The following SPTBN5 variants were observed in gnomAD, a reference collection of about 807,000 sequenced individuals.
The protein encoded by SPTBN5 is spectrin beta, non-erythrocytic 5.
A neutral mutation model predicts 477.6 loss-of-function variants in SPTBN5; 513 were observed. That is an observed-to-expected ratio of 1.07 (90% CI 1.00 to 1.16). SPTBN5 has a LOEUF of 1.16. Ranked by LOEUF, SPTBN5 falls within the 50% of genes most tolerant of loss-of-function variation. The pLI is 0.00. For synonymous variants in SPTBN5, 2,169 were observed against 2,011.7 expected (o/e 1.08, Z -2.09); for missense variants, 5,062 against 4,731.8 (o/e 1.07, Z -2.05).
Position 41,857,487 on chromosome 15 carries a change from C to A in SPTBN5, c.8372G>T (p.Arg2791Leu), listed in dbSNP as rs191576229. The change falls in exon 51 of 68, where the codon CGT becomes CTT. Residue 2791 changes from arginine to leucine, a missense_variant. Arg to Leu is a moderately radical substitution (Grantham distance 102). Coordinates refer to ENST00000320955, the MANE Select transcript of SPTBN5 (RefSeq NM_016642.4). ...AKLQKACEAL[R>L]LRRSMEELEN... Reference sequence around the variant, plus strand: ...CAGTTCCTCCATGCTCCGCCGCAGACGCAGGGCCTAGGGTAGAAAGTGAGG... The same window carrying A: ...CAGTTCCTCCATGCTCCGCCGCAGAAGCAGGGCCTAGGGTAGAAAGTGAGG... 1.7e-5 allele frequency: 27 copies of A among 1,608,216 alleles called. No homozygotes were observed. The highest frequency in any genetic ancestry group is 1.3e-4 in the Admixed American group (8 of 59,806).
chr15:41,848,602 C>T lies in SPTBN5; in HGVS notation c.*14G>A, dbSNP rs751895220. 6 of 1,613,938 alleles carry T rather than the reference C, an allele frequency of 3.7e-6. No individual in the cohort carries two copies. The Admixed American group carries it at 5.0e-5, about 13-fold the overall frequency. On this transcript the variant is annotated 3_prime_UTR_variant, in exon 68 of 68. Coordinates refer to ENST00000320955, the MANE Select transcript of SPTBN5 (RefSeq NM_016642.4). ...CTTGTGCCCCTGAAGTTTGGTGTTG[C>T]ACTGGGGTTCACCTCAGGGATCAGA...
In SPTBN5 at chr15:41,866,016, C is replaced by T. The variant is rs1043543428; in HGVS notation, c.6822+22G>A. 2.6e-6 allele frequency: 4 copies of T among 1,549,866 alleles called. No homozygotes were observed. In the African/African-American group the frequency reaches 5.5e-5, roughly 21 times the overall value. ...AGGGCTCCTCCCCCCATCTCTCAGCCCCCACCCAGCTGGGGCTACACCTTC... is the reference window on the plus strand; with the variant it reads ...AGGGCTCCTCCCCCCATCTCTCAGCTCCCACCCAGCTGGGGCTACACCTTC... On this transcript the variant is annotated intron_variant, in intron 38 of 67. Coordinates refer to ENST00000320955, the MANE Select transcript of SPTBN5 (RefSeq NM_016642.4).
In SPTBN5 at chr15:41,865,911, G is replaced by A. The variant is rs1226340829; in HGVS notation, c.6823-8C>T. The A allele has an allele frequency of 6.4e-7, 1 of 1,565,156 alleles. No homozygotes were observed. The highest frequency in any genetic ancestry group is 1.2e-5 in the South Asian group (1 of 84,904). On this transcript the variant is annotated splice_polypyrimidine_tract_variant and splice_region_variant and intron_variant, in intron 38 of 67. Coordinates refer to ENST00000320955, the MANE Select transcript of SPTBN5 (RefSeq NM_016642.4). ...AACATTCATCTTCACCTCCTGTGAA[G>A]GCCGAGGGTGGGGAGGGAGCGCTGT...
rs772892895 is a variant in SPTBN5, at chr15:41,855,554, T to C, written c.9213A>G (p.Pro3071=). ...ATGGTGTGGCTTCCGCCCACCTTTC[T>C]GGGTTCTTCCTGCTCTCCAGGAGTG... ...TAALLESRKN[P]ESPKVLAQLQ... Residue 3071 remains proline, a synonymous_variant, in exon 54 of 68, where the codon CCA becomes CCG. Coordinates refer to ENST00000320955, the MANE Select transcript of SPTBN5 (RefSeq NM_016642.4). 2.5e-6 allele frequency: 4 copies of C among 1,609,008 alleles called. No homozygotes were observed. The highest frequency in any genetic ancestry group is 2.2e-5 in the East Asian group (1 of 44,778).
At chr15:41,872,145 A>C (rs983481328) in intron 27 of SPTBN5, among the ~76,000 whole-genome samples, 157 bp downstream of exon 27, 2 of 152,216 alleles carry the variant, frequency 1.3e-5, no homozygotes, top group African/African-American at 2.4e-5. Flanking sequence ...TCACTGAAGA[A>C]TTTATGGAAA....
intron 41 of SPTBN5, among the ~76,000 whole-genome samples, 154 bp from the exon 42 acceptor site, chr15:41,863,057 GA>G (rs375288364): frequency 6.6e-6 from 1 of 152,350 alleles, no homozygotes; most frequent in African/African-American, 2.4e-5. Context: ...TTCCTTATGT[GA>G]GGGGGACGAT....
intron 1 of SPTBN5, 89 bp from the exon 2 acceptor site, chr15:41,893,635 C>T: frequency 7.1e-7 from 1 of 1,416,844 alleles, no homozygotes; most frequent in East Asian, 2.5e-5. Flanking sequence ...ACTGTCCTCA[C>T]ATTTCATGGG....
chr15:41,850,214 T>A, intron 66 of SPTBN5: 1 of 487,966 alleles, frequency 2.0e-6, no homozygotes, highest in Admixed American at 3.3e-5. Context: ...AGGTGGGAAA[T>A]TCTGGAATGT....
At chr15:41,862,972 C>T (rs1452394366) in intron 41 of SPTBN5, 69 bp from the exon 42 acceptor site, 43 of 1,388,912 alleles carry the variant, frequency 3.1e-5, no homozygotes, top group Admixed American at 5.9e-5. Context: ...GCAAAGGGCC[C>T]AACCAGTGGC....
In SPTBN5 at chr15:41,866,031, G is replaced by T; in HGVS notation, c.6822+7C>A. The T allele has an allele frequency of 6.4e-7, 1 of 1,552,182 alleles. No individual in the cohort carries two copies. The highest frequency in any genetic ancestry group is 8.7e-7 in the Non-Finnish European group (1 of 1,148,140). On this transcript the variant is annotated splice_region_variant and intron_variant, in intron 38 of 67. Transcript: ENST00000320955. ...ATCTCTCAGCCCCCACCCAGCTGGG[G>T]CTACACCTTCTCCTGGATCCAGGCC...
chr15:41,850,135 T>G (rs1645037733), intron 66 of SPTBN5, 176 bp from the exon 67 acceptor site: 1 of 605,434 alleles, frequency 1.7e-6, no homozygotes, highest in Non-Finnish European at 3.0e-6. Flanking sequence ...GGCAGGTTTT[T>G]CCCCCATGCG....
Position 41,856,882 on chromosome 15 carries a change from C to CACTCAG in SPTBN5, c.8773_8778dup (p.Leu2925_Ser2926dup), listed in dbSNP as rs1361881520. The CACTCAG allele has an allele frequency of 1.3e-6, 2 of 1,550,602 alleles. No homozygotes were observed. The highest frequency in any genetic ancestry group is 1.7e-6 in the Non-Finnish European group (2 of 1,147,050). ...TGCTGCTCCTGCAGGTGCCGCACCG[C>CACTCAG]ACTCAGGCTCTGGCCATAGTCCTGG... is the stretch of plus-strand genomic sequence containing the variant. On this transcript the variant is annotated inframe_insertion, in exon 52 of 68. Transcript: ENST00000320955.
rs775958483 is a variant in SPTBN5 at position 41,874,474 on chromosome 15, C to T, written c.4507G>A (p.Glu1503Lys). 2 of 1,606,526 alleles carry T rather than the reference C, an allele frequency of 1.2e-6. No individual in the cohort carries two copies. The highest frequency in any genetic ancestry group is 4.5e-5 in the East Asian group (2 of 44,798). ...ATGGCCAGATGCCCCTGCAGAAGCT[C>T]CAGCCTAGGAGGAGGAGGAAGAGAT... Reference protein sequence around the residue: ...EETQKHLRRLELLQGHLAIRG... With the variant: ...EETQKHLRRLKLLQGHLAIRG... The change falls in exon 24 of 68, where the codon GAG (glutamate) becomes AAG (lysine). Residue 1503 changes from glutamate (E) to lysine (K), a missense_variant. Physicochemically the swap from Glu to Lys is moderately conservative, Grantham distance 56. Coordinates refer to ENST00000320955, the MANE Select transcript of SPTBN5 (RefSeq NM_016642.4).
At chr15:41,892,022 G>A (rs2140973317) in intron 3 of SPTBN5, among the ~76,000 whole-genome samples, 1 of 152,256 alleles carries the variant, frequency 6.6e-6, no homozygotes, top group South Asian at 2.1e-4. Context: ...ATCAACTAGG[G>A]CCCAGCATTC....
intron 17 of SPTBN5, among the ~76,000 whole-genome samples, chr15:41,877,768 A>T (rs534203782): frequency 6.6e-6 from 1 of 152,372 alleles, no homozygotes; most frequent in African/African-American, 2.4e-5. Context: ...GAGCCGCTGC[A>T]GAACCAGGTA....
Position 41,853,382 on chromosome 15 carries a change from G to C in SPTBN5, c.10046C>G (p.Ala3349Gly). 1 of 1,607,628 alleles carries C rather than the reference G, an allele frequency of 6.2e-7. No homozygotes were observed. The highest frequency in any genetic ancestry group is 8.5e-7 in the Non-Finnish European group (1 of 1,176,254). The change falls in exon 59 of 68, where the codon GCT (alanine) becomes GGT (glycine). Residue 3349 changes from alanine (A) to glycine (G), a missense_variant. Ala to Gly is a moderately conservative substitution (Grantham distance 60). Coordinates refer to ENST00000320955, the MANE Select transcript of SPTBN5 (RefSeq NM_016642.4). ...SEELAEDVAG[A>G]EQLLGQHEEL... ...TTCATGCTGCCCAAGGAGCTGCTCA[G>C]CCCCCGCCACGTCCTCAGCCAGCTC...
chr15:41,886,179 C>T lies in SPTBN5; in HGVS notation c.1076G>A (p.Arg359Gln), dbSNP rs377232016. The T allele has an allele frequency of 1.6e-4, 253 of 1,612,702 alleles. No homozygotes were observed. Among genetic ancestry groups the T allele is most frequent in the Non-Finnish European group, 2.0e-4 (240 of 1,179,728 alleles). Residue 359 changes from arginine (R) to glutamine (Q), a missense_variant, in exon 7 of 68, where the codon CGG becomes CAG. Transcript: ENST00000320955. Reference protein sequence around the residue: ...TIFRTQEKPPRLQQRGAAEAL... With the variant: ...TIFRTQEKPPQLQQRGAAEAL... ...CTCTGCGGCCCCTCGCTGCTGTAGCCGGGGTGGCTTCTCCTGGGTGCGGAA... is the reference window on the plus strand; with the variant it reads ...CTCTGCGGCCCCTCGCTGCTGTAGCTGGGGTGGCTTCTCCTGGGTGCGGAA...
chr15:41,873,628 C>T lies in SPTBN5; in HGVS notation c.4891-20G>A, dbSNP rs376366919. On this transcript the variant is annotated intron_variant, in intron 25 of 67. Transcript: ENST00000320955. ...AAAGTACTGCCAAGAGTGGGGCCAA[C>T]TCACCTGGAGGATCTCAGACAGGAC... 51 of 1,543,106 alleles carry T rather than the reference C, an allele frequency of 3.3e-5. 2 individuals are homozygous for T. In the South Asian group the frequency reaches 3.6e-4, roughly 11 times the overall value.
chr15:41,873,807 T>C (rs1292871181), intron 25 of SPTBN5, 38 bp downstream of exon 25: 3 of 1,604,074 alleles, frequency 1.9e-6, no homozygotes, highest in Non-Finnish European at 2.5e-6. Flanking sequence ...AGCCCTGACT[T>C]CTGCCTCTTC....
Sources: gnomAD v4.1 joint callset for allele counts (sites outside exome capture counted in the v4.1 genomes callset) on GRCh38, gnomAD v4.1.1 for gene constraint, MANE v1.5 for transcripts, NCBI Gene and HGNC (gene_info 2026-07-23, HGNC 2026-07-21) for gene names.